Variants in PTCHD4 observed in about 807,000 individuals in gnomAD.
PTCHD4 encodes patched domain containing 4, also known as patched domain-containing protein 4.
In PTCHD4, 33 loss-of-function variants were observed where a neutral mutation model predicts 58.1. The observed-to-expected ratio is 0.57, with a 90% CI of 0.43 to 0.76. PTCHD4 has a LOEUF of 0.76. PTCHD4 is among the 30% of genes least tolerant of loss of function. The pLI is 0.00. For synonymous variants in PTCHD4, 478 were observed against 409.6 expected, an observed-to-expected ratio of 1.17 and a Z score of -2.02; for missense variants, 1,058 against 1,027.1, an observed-to-expected ratio of 1.03 and a Z score of -0.41.
intron 1 of PTCHD4, among the ~76,000 whole-genome samples, chr6:48,082,334 G>A (rs1765183025): frequency 6.6e-6 from 1 of 152,046 alleles, no homozygotes; most frequent in Admixed American, 6.6e-5. Flanking sequence ...TTCAAGCTCT[G>A]GCCTATTTGG....
chr6:47,996,851 ATT>A (rs1269312606), intron 4 of PTCHD4, among the ~76,000 whole-genome samples: 1 of 152,200 alleles, frequency 6.6e-6, no homozygotes, highest in Admixed American at 6.5e-5. Context: ...ATTGATTTAA[ATT>A]TTTTAAAAGA....
At chr6:47,941,075 G>A (rs963141576) in intron 4 of PTCHD4, among the ~76,000 whole-genome samples, 9 of 152,100 alleles carry the variant, frequency 5.9e-5, no homozygotes, top group African/African-American at 1.9e-4. Context: ...CTGACTGTTG[G>A]CAACTCAGCC....
intron 4 of PTCHD4, among the ~76,000 whole-genome samples, chr6:47,902,099 C>A (rs1764728280): frequency 6.6e-6 from 1 of 152,196 alleles, no homozygotes; most frequent in African/African-American, 2.4e-5. Flanking sequence ...CTGGGTGAAT[C>A]AACATCTTCA....
intron 4 of PTCHD4, among the ~76,000 whole-genome samples, chr6:47,925,129 G>A (rs1198885378): frequency 6.7e-6 from 1 of 149,722 alleles, no homozygotes; most frequent in African/African-American, 2.4e-5. Flanking sequence ...TTTTATATAT[G>A]TATATGCTTT....
intron 4 of PTCHD4, among the ~76,000 whole-genome samples, chr6:47,880,608 T>C (rs1223495183): frequency 6.6e-6 from 1 of 152,152 alleles, no homozygotes; most frequent in East Asian, 1.9e-4. Flanking sequence ...GCACTTCCTT[T>C]GGGCTCCTCA....
At chr6:48,050,668 G>C (rs1183937620) in intron 3 of PTCHD4, among the ~76,000 whole-genome samples, 2 of 151,930 alleles carry the variant, frequency 1.3e-5, no homozygotes, top group African/African-American at 4.8e-5. Flanking sequence ...TGGAGCATTT[G>C]GTCCATTGAG....
At chr6:48,041,383 A>G (rs1331496755) in intron 3 of PTCHD4, among the ~76,000 whole-genome samples, 1 of 152,076 alleles carries the variant, frequency 6.6e-6, no homozygotes, top group East Asian at 1.9e-4. Flanking sequence ...GTTTATCTAA[A>G]TAAAGTAACA....
chr6:48,037,212 T>C (rs1763670640), intron 3 of PTCHD4, among the ~76,000 whole-genome samples: 1 of 152,186 alleles, frequency 6.6e-6, no homozygotes, highest in South Asian at 2.1e-4. Flanking sequence ...ATCAAAGCTT[T>C]TACTACAGTA....
chr6:48,011,468 A>ATTAGTTC (rs1762671553), intron 3 of PTCHD4, among the ~76,000 whole-genome samples: 1 of 151,866 alleles, frequency 6.6e-6, no homozygotes, highest in South Asian at 2.1e-4. Flanking sequence ...GATTCTGGAT[A>ATTAGTTC]TTAGTTCTTT....
In PTCHD4 at chr6:47,870,214, T is replaced by C. The variant is rs1456683745; in HGVS notation, c.*8089A>G. On this transcript the variant is annotated 3_prime_UTR_variant, in exon 5 of 5. Coordinates refer to ENST00000339488, the MANE Select transcript of PTCHD4 (RefSeq NM_001384253.1). ...TAAATATGATTTTGATGACTTTTTT[T>C]TCCAAGTAGCTAAGATTTAATTGTT... 6.6e-6 allele frequency among the ~76,000 whole-genome samples: 1 copy of C among 151,736 alleles called. No individual in the cohort carries two copies. The highest frequency in any genetic ancestry group is 2.4e-5 in the African/African-American group (1 of 41,404).
intron 1 of PTCHD4, among the ~76,000 whole-genome samples, chr6:48,091,792 C>T (rs190520444): frequency 2.2e-4 from 33 of 151,950 alleles, no homozygotes; most frequent in Middle Eastern, 3.4e-3. Flanking sequence ...ATTAAAGGCC[C>T]GTGCCACCAT....
At position 47,879,572 on chromosome 6, in the gene PTCHD4, T is replaced by C. The variant is rs1763956683; in HGVS notation, c.1263A>G (p.Thr421=). ...TCTGTTGATGCCCATCACTCATCAC[T>C]GTCTGGAACCACACAGGTTTGCGAT... ...YLDRKPVWFQ[T]VMSDGHQQTS... The change falls in exon 5 of 5, where the codon ACA becomes ACG. Residue 421 remains threonine, a synonymous_variant. Transcript: ENST00000339488. 1 of 1,613,676 alleles carries C rather than the reference T, an allele frequency of 6.2e-7. No individual in the cohort carries two copies.
chr6:47,992,147 A>G (rs532758465), intron 4 of PTCHD4, among the ~76,000 whole-genome samples: 136 of 152,280 alleles, frequency 8.9e-4, no homozygotes, highest in African/African-American at 3.2e-3. Flanking sequence ...TATGAACAAA[A>G]TATTCTGATG....
At chr6:47,993,916 G>A (rs944458119) in intron 4 of PTCHD4, among the ~76,000 whole-genome samples, 3 of 152,138 alleles carry the variant, frequency 2.0e-5, no homozygotes, top group Admixed American at 2.0e-4. Context: ...GTACATTGAG[G>A]TACTCAGACT....
chr6:48,096,391 A>G (rs1765470242), intron 1 of PTCHD4, among the ~76,000 whole-genome samples: 1 of 152,048 alleles, frequency 6.6e-6, no homozygotes, highest in Non-Finnish European at 1.5e-5. Context: ...GTTGGCAGAT[A>G]ACCTGAGGTC....
chr6:48,098,182 C>G (rs1044927554), intron 1 of PTCHD4, among the ~76,000 whole-genome samples: 1 of 152,096 alleles, frequency 6.6e-6, no homozygotes, highest in African/African-American at 2.4e-5. Context: ...GGTTTCCCAA[C>G]ACAAAACAAC....
chr6:48,009,585 C>T (rs1331233366), intron 3 of PTCHD4, among the ~76,000 whole-genome samples: 1 of 152,094 alleles, frequency 6.6e-6, no homozygotes, highest in Non-Finnish European at 1.5e-5. Flanking sequence ...ATACCTATGC[C>T]AACACTGATA....
chr6:48,109,338 T>C (rs1269160525), intron 1 of PTCHD4, among the ~76,000 whole-genome samples: 1 of 152,142 alleles, frequency 6.6e-6, no homozygotes, highest in South Asian at 2.1e-4. Context: ...CATACAACTT[T>C]TTAAAATCAT....
At chr6:47,882,596 T>C (rs1764049983) in intron 4 of PTCHD4, among the ~76,000 whole-genome samples, 2 of 151,766 alleles carry the variant, frequency 1.3e-5, no homozygotes, top group Admixed American at 6.6e-5. Flanking sequence ...CTCATTAGTC[T>C]TATCTTCTTA....
Sources: allele counts gnomAD v4.1 joint callset (sites outside exome capture counted in the v4.1 genomes callset), GRCh38; gene constraint gnomAD v4.1.1; transcripts MANE v1.5; gene names NCBI Gene and HGNC (gene_info 2026-07-23, HGNC 2026-07-21).